MAGI2: variants seen among roughly 807,000 people sequenced by gnomAD.
The protein encoded by MAGI2 is membrane associated guanylate kinase, WW and PDZ domain containing 2.
MAGI2 carries 35 observed loss-of-function variants against 133.3 expected under a neutral mutation model. The ratio of observed to expected loss-of-function variants is 0.26; its 90% CI spans 0.20 to 0.35. The LOEUF is 0.35. Ranked by LOEUF, MAGI2 falls within the 10% of genes least tolerant of loss-of-function variation. The pLI, the probability that MAGI2 is intolerant of heterozygous loss-of-function variation, is 1.00. For synonymous variants in MAGI2, 729 were observed against 710.6 expected, an observed-to-expected ratio of 1.03 and a Z score of -0.41; for missense variants, 1,636 against 1,863.4, an observed-to-expected ratio of 0.88 and a Z score of 2.25.
intron 6 of MAGI2, among the ~76,000 whole-genome samples, chr7:78,371,771 G>C (rs11767241): frequency 0.069 from 10,436 of 152,002 alleles, 392 homozygotes; most frequent in South Asian, 0.096. Flanking sequence ...CATGTTTTGT[G>C]TGTTCGTTTG....
At chr7:78,704,482 T>G (rs1451011220) in intron 2 of MAGI2, among the ~76,000 whole-genome samples, 1 of 152,084 alleles carries the variant, frequency 6.6e-6, no homozygotes, top group Non-Finnish European at 1.5e-5. Flanking sequence ...GGTAAAATAG[T>G]TCAAGCATTG....
At chr7:78,219,218 G>A (rs1788564805) in intron 10 of MAGI2, among the ~76,000 whole-genome samples, 1 of 152,096 alleles carries the variant, frequency 6.6e-6, no homozygotes, top group East Asian at 1.9e-4. Context: ...GCTTCTGTCT[G>A]CAGGAGAGGA....
rs1788356496 is a variant in MAGI2 at position 78,804,567 on chromosome 7, T to C, written c.419-177328A>G. Among the ~76,000 whole-genome samples the C allele has an allele frequency of 2.1e-5, 3 of 144,364 alleles. No homozygotes were observed. The South Asian group carries it at 6.6e-4, about 32-fold the overall frequency. The allele number at this position is 144,364 out of a possible 152,430, so 94.7% of individuals were successfully genotyped here. A position where few individuals can be genotyped will look rare whatever the true frequency, so the allele number is the denominator to read the frequency against. ...ATCGAGACCCTCCTGGCTAACACGG[T>C]GAAACCCCGTCTCTACTAAAAATAC... On this transcript the variant is annotated intron_variant, in intron 2 of 21. Coordinates refer to ENST00000354212, the MANE Select transcript of MAGI2 (RefSeq NM_012301.4).
At chr7:79,125,663 A>G (rs1820350281) in intron 1 of MAGI2, 8 of 529,454 alleles carry the variant, frequency 1.5e-5, no homozygotes, top group Admixed American at 5.8e-5. Context: ...ACAACAATCA[A>G]TCTTTAAATT....
intron 10 of MAGI2, among the ~76,000 whole-genome samples, chr7:78,231,086 T>C (rs1290360255): frequency 2.0e-5 from 3 of 152,150 alleles, no homozygotes; most frequent in Non-Finnish European, 4.4e-5. Context: ...TATAAATCAC[T>C]TGGGAGATGA....
intron 10 of MAGI2, among the ~76,000 whole-genome samples, chr7:78,201,693 G>T (rs1176884426): frequency 6.6e-6 from 1 of 152,032 alleles, no homozygotes; most frequent in East Asian, 1.9e-4. Flanking sequence ...TATGAATTAG[G>T]TTCCACTATA....
At chr7:78,906,985 G>C (rs373727658) in intron 2 of MAGI2, among the ~76,000 whole-genome samples, 1 of 152,186 alleles carries the variant, frequency 6.6e-6, no homozygotes, top group Non-Finnish European at 1.5e-5. Flanking sequence ...AAGTCCAGCC[G>C]ACCTTTGATC....
chr7:78,993,143 T>A (rs1401288480), intron 2 of MAGI2, among the ~76,000 whole-genome samples: 1 of 152,100 alleles, frequency 6.6e-6, no homozygotes, highest in African/African-American at 2.4e-5. Context: ...ACACTGATAA[T>A]GCATAACTAT....
At position 78,388,105 on chromosome 7, in the gene MAGI2, G is replaced by A. The variant is rs368647706; in HGVS notation, c.1046-18892C>T. Among the ~76,000 whole-genome samples, 6 of 152,240 alleles carry A rather than the reference G, an allele frequency of 3.9e-5. No homozygotes were observed. In the East Asian group the frequency reaches 1.2e-3, roughly 29 times the overall value. Reference sequence around the variant, plus strand: ...TGACAAAAACATTACTGGCTTTGGGGTCACACAAATATGATCTGAGTGTTG... The same window carrying A: ...TGACAAAAACATTACTGGCTTTGGGATCACACAAATATGATCTGAGTGTTG... On this transcript the variant is annotated intron_variant, in intron 6 of 21. Transcript: ENST00000354212.
chr7:79,397,739 T>C (rs1474575033), intron 1 of MAGI2, among the ~76,000 whole-genome samples: 1 of 152,176 alleles, frequency 6.6e-6, no homozygotes, highest in Non-Finnish European at 1.5e-5. Context: ...AATTGCTTCT[T>C]CACATCATTT....
Position 79,052,374 on chromosome 7 carries a change from A to T in MAGI2, c.302-45168T>A, listed in dbSNP as rs566969413. 1.5e-3 allele frequency among the ~76,000 whole-genome samples: 226 copies of T among 152,334 alleles called. 3 individuals are homozygous for T. In the South Asian group the frequency reaches 0.022, roughly 15 times the overall value. On this transcript the variant is annotated intron_variant, in intron 1 of 21. Coordinates refer to ENST00000354212, the MANE Select transcript of MAGI2 (RefSeq NM_012301.4). ...TTCAAAAATTGTTAAGAATTGCAAG[A>T]CAGTGAAAGCACAGCATTAAGCCAA... is the stretch of plus-strand genomic sequence containing the variant.
At chr7:78,279,682 C>A (rs1795370097) in intron 9 of MAGI2, among the ~76,000 whole-genome samples, 1 of 152,018 alleles carries the variant, frequency 6.6e-6, no homozygotes. Flanking sequence ...AGTGGGGAGA[C>A]AGTCATGGGA....
At chr7:78,918,978 T>C (rs1799011314) in intron 2 of MAGI2, among the ~76,000 whole-genome samples, 1 of 152,130 alleles carries the variant, frequency 6.6e-6, no homozygotes, top group African/African-American at 2.4e-5. Context: ...TCTAAAACAG[T>C]TCCATAAAAA....
At chr7:78,848,285 T>C (rs117037214) in intron 2 of MAGI2, among the ~76,000 whole-genome samples, 2 of 151,856 alleles carry the variant, frequency 1.3e-5, no homozygotes, top group African/African-American at 4.8e-5. Context: ...TCCCAAAGCA[T>C]CCTTGATTCT....
At chr7:79,202,932 C>A (rs1380107498) in intron 1 of MAGI2, among the ~76,000 whole-genome samples, 1 of 152,004 alleles carries the variant, frequency 6.6e-6, no homozygotes, top group Non-Finnish European at 1.5e-5. Flanking sequence ...TACTTGACAT[C>A]TTCACTTGCC....
chr7:79,081,810 C>T (rs1175801029), intron 1 of MAGI2, among the ~76,000 whole-genome samples: 1 of 152,018 alleles, frequency 6.6e-6, no homozygotes, highest in Non-Finnish European at 1.5e-5. Context: ...AAAAATGGAG[C>T]TTTCAGACAT....
chr7:78,416,765 C>G (rs1038346184), intron 6 of MAGI2, among the ~76,000 whole-genome samples: 4 of 152,072 alleles, frequency 2.6e-5, no homozygotes, highest in Admixed American at 6.6e-5. Context: ...CTTTGTAGAG[C>G]TGTCTGACTC....
In MAGI2 at chr7:79,423,442, T is replaced by A. The variant is rs535613882; in HGVS notation, c.301+29578A>T. Among the ~76,000 whole-genome samples the A allele has an allele frequency of 1.6e-4, 24 of 152,176 alleles. 1 individual carries two copies. Among genetic ancestry groups the A allele is most frequent in the African/African-American group, 5.8e-4 (24 of 41,564 alleles). ...ATTATACATTTCACCTAATTAGGAA[T>A]AATTCAAAGATGTAATACTAAATAT... On this transcript the variant is annotated intron_variant, in intron 1 of 21. Transcript: ENST00000354212.
At chr7:79,221,430 T>G (rs372078540) in intron 1 of MAGI2, among the ~76,000 whole-genome samples, 1 of 151,924 alleles carries the variant, frequency 6.6e-6, no homozygotes, top group Non-Finnish European at 1.5e-5. Flanking sequence ...AGAGACAGGG[T>G]GCGGTTTATG....
Sources: allele counts gnomAD v4.1 joint callset (sites outside exome capture counted in the v4.1 genomes callset), GRCh38; gene constraint gnomAD v4.1.1; transcripts MANE v1.5; gene names NCBI Gene and HGNC (gene_info 2026-07-23, HGNC 2026-07-21).